Variants in CNTNAP3 observed in about 807,000 individuals in gnomAD.
CNTNAP3 encodes contactin-associated protein-like 3.
A neutral mutation model predicts 92.1 loss-of-function variants in CNTNAP3; 36 were observed. The observed-to-expected ratio is 0.39, with a 90% CI of 0.30 to 0.52. The LOEUF (loss-of-function observed/expected upper bound fraction) is 0.52, where lower values mean the gene tolerates loss of function less well. CNTNAP3 is among the 20% of genes least tolerant of loss of function. The pLI, the probability that CNTNAP3 is intolerant of heterozygous loss-of-function variation, is 0.76. For synonymous variants in CNTNAP3, 232 were observed against 422.3 expected (o/e 0.55, Z 5.53); for missense variants, 534 against 1,069.6 (o/e 0.50, Z 6.98).
intron 21 of CNTNAP3, among the ~76,000 whole-genome samples, chr9:39,084,787 G>A (rs1324858959): frequency 6.6e-6 from 1 of 151,922 alleles, no homozygotes; most frequent in Non-Finnish European, 1.5e-5. Context: ...AGTATAAAGT[G>A]TTTTATTAAT....
At chr9:39,150,670 C>T (rs540164683) in intron 9 of CNTNAP3, among the ~76,000 whole-genome samples, 1 of 38,420 alleles carries the variant, frequency 2.6e-5, no homozygotes, top group East Asian at 6.2e-4. Context: ...TGTTAGGGTA[C>T]ATAAGGATAA....
intron 15 of CNTNAP3, 99 bp from the exon 16 acceptor site, chr9:39,104,013 A>T: frequency 1.3e-6 from 2 of 1,504,944 alleles, no homozygotes. Flanking sequence ...TAAATACATT[A>T]ATAGAATCTA....
chr9:39,069,073 A>G lies in CNTNAP3; in HGVS notation c.*4817T>C, dbSNP rs1471448468. Among the ~76,000 whole-genome samples, 1 of 152,262 alleles carries G rather than the reference A, an allele frequency of 6.6e-6. No individual in the cohort carries two copies. Among genetic ancestry groups the G allele is most frequent in the Non-Finnish European group, 1.5e-5 (1 of 68,044 alleles). On this transcript the variant is annotated 3_prime_UTR_variant, in exon 24 of 24. Transcript: ENST00000297668. ...CATGAATCATATCCTAAAGATTTGG[A>G]ACAAGAAGTAAATTTAGCTATCAAT...
chr9:39,119,526 T>C (rs1271314342), intron 13 of CNTNAP3, among the ~76,000 whole-genome samples: 2 of 152,122 alleles, frequency 1.3e-5, no homozygotes, highest in African/African-American at 4.8e-5. Context: ...CATTAAACTG[T>C]CGCAGATTAA....
In CNTNAP3 at chr9:39,285,582, TG is replaced by T. The variant is rs1468949414; in HGVS notation, c.85+2397del. Among the ~76,000 whole-genome samples the T allele has an allele frequency of 6.1e-5, 3 of 49,574 alleles. 1 individual carries two copies. The highest frequency in any genetic ancestry group is 1.4e-4 in the African/African-American group (3 of 22,128). The allele number at this position is 49,574 out of a possible 152,430, so 32.5% of individuals were successfully genotyped here. ...TGTTGCCCAGGCTGGAGTGCTATGG[TG>T]GGATCTCGGCTCACTGCAACCTCCA... On this transcript the variant is annotated intron_variant, in intron 1 of 23. Coordinates refer to ENST00000297668, the MANE Select transcript of CNTNAP3 (RefSeq NM_033655.5).
At chr9:39,143,674 C>T (rs1463259760) in intron 11 of CNTNAP3, among the ~76,000 whole-genome samples, 1 of 152,180 alleles carries the variant, frequency 6.6e-6, no homozygotes, top group Non-Finnish European at 1.5e-5. Flanking sequence ...TTACAATCAT[C>T]ATCACCACCA....
intron 21 of CNTNAP3, among the ~76,000 whole-genome samples, chr9:39,080,052 TATG>T (rs1210315800): frequency 7.4e-6 from 1 of 134,786 alleles, no homozygotes; most frequent in Non-Finnish European, 1.5e-5. Context: ...TCTATTTTTC[TATG>T]ATGTTTCCAG....
At chr9:39,137,179 C>T (rs576286955) in intron 12 of CNTNAP3, among the ~76,000 whole-genome samples, 263 of 151,640 alleles carry the variant, frequency 1.7e-3, no homozygotes, top group African/African-American at 4.1e-3. Flanking sequence ...TTTCTTTTTG[C>T]GGGGGGTTGG....
rs1185192505 is a variant in CNTNAP3, at chr9:39,071,620, A to G, written c.*2270T>C. On this transcript the variant is annotated 3_prime_UTR_variant, in exon 24 of 24. Coordinates refer to ENST00000297668, the MANE Select transcript of CNTNAP3 (RefSeq NM_033655.5). ...ACTTGCAACTAGCATCTATGTATCT[A>G]AATAACGTTTAGTGACTTAATTCTC... Among the ~76,000 whole-genome samples the G allele has an allele frequency of 6.6e-6, 1 of 152,056 alleles. No individual in the cohort carries two copies. Among genetic ancestry groups the G allele is most frequent in the Non-Finnish European group, 1.5e-5 (1 of 67,968 alleles).
chr9:39,078,784 G>T lies in CNTNAP3; in HGVS notation c.3579C>A (p.Val1193=). The change falls in exon 22 of 24, where the codon GTC becomes GTA. Residue 1193 remains valine (V), a synonymous_variant. Coordinates refer to ENST00000297668, the MANE Select transcript of CNTNAP3 (RefSeq NM_033655.5). ...LRPSGPSRVT[V]RGHVAPMARC... is the part of the protein sequence containing the mutation. The stretch of plus-strand genomic sequence containing the variant: ...GGGCCATAGGGGCCACGTGGCCGCG[G>T]ACGGTGACCCGGGAGGGGCCGCTGG... 6.6e-7 allele frequency: 1 copy of T among 1,524,244 alleles called. No individual in the cohort carries two copies. The highest frequency in any genetic ancestry group is 8.8e-7 in the Non-Finnish European group (1 of 1,142,496). The allele number at this position is 1,524,244 out of a possible 1,614,324, so 94.4% of individuals were successfully genotyped here. A position where few individuals can be genotyped will look rare whatever the true frequency, so the allele number is the denominator to read the frequency against.
chr9:39,104,074 T>C (rs1326179452), intron 15 of CNTNAP3, among the ~76,000 whole-genome samples, 160 bp from the exon 16 acceptor site: 2 of 152,138 alleles, frequency 1.3e-5, no homozygotes, highest in Non-Finnish European at 2.9e-5. Flanking sequence ...ACTGATGACA[T>C]CAAGAGCTAA....
rs1238812309 is a variant in CNTNAP3, at chr9:39,287,120, C to CA, written c.85+859dup. Among the ~76,000 whole-genome samples, 24 of 54,120 alleles carry CA rather than the reference C, an allele frequency of 4.4e-4. 6 individuals are homozygous for CA. The highest frequency in any genetic ancestry group is 9.7e-4 in the East Asian group (1 of 1,032). 35.5% of individuals were successfully genotyped at this position (54,120 alleles called of 152,430 possible). On this transcript the variant is annotated intron_variant, in intron 1 of 23. Coordinates refer to ENST00000297668, the MANE Select transcript of CNTNAP3 (RefSeq NM_033655.5). ...TCTCTGCTAGAGATTTACTCCAAGC[C>CA]AAAAAAAAAATGTGCAATGTTGTGT...
intron 12 of CNTNAP3, among the ~76,000 whole-genome samples, chr9:39,139,114 C>A (rs1248018683): frequency 1.3e-5 from 2 of 152,064 alleles, no homozygotes; most frequent in Non-Finnish European, 2.9e-5. Context: ...AATGGGGCAT[C>A]TAAAGAGAAG....
In CNTNAP3 at chr9:39,105,428, A is replaced by AAAAC. The variant is rs538319512; in HGVS notation, c.2366-1518_2366-1515dup. 3.1e-3 allele frequency among the ~76,000 whole-genome samples: 470 copies of AAAAC among 152,268 alleles called. 2 individuals are homozygous for AAAAC. Among genetic ancestry groups the AAAAC allele is most frequent in the Admixed American group, 4.4e-3 (68 of 15,294 alleles). On this transcript the variant is annotated intron_variant, in intron 15 of 23. Transcript: ENST00000297668. ...GGTGACAGAGCAACTCTCCATCTCA[A>AAAAC]AAACAAACAAACAAACAAACAAACC...
intron 8 of CNTNAP3, among the ~76,000 whole-genome samples, chr9:39,167,983 G>A (rs191723314): frequency 1.4e-5 from 2 of 140,574 alleles, no homozygotes; most frequent in Non-Finnish European, 3.1e-5. Context: ...TGATTCTGCA[G>A]GTTTCTGTGC....
intron 11 of CNTNAP3, among the ~76,000 whole-genome samples, chr9:39,144,019 A>C (rs762199406): frequency 3.9e-4 from 59 of 152,100 alleles, no homozygotes; most frequent in Non-Finnish European, 6.3e-4. Context: ...ATTGCTTGCC[A>C]GTTTCTTTTT....
At chr9:39,109,090 G>T in intron 15 of CNTNAP3, 70 bp downstream of exon 15, 1 of 1,539,518 alleles carries the variant, frequency 6.5e-7, no homozygotes, top group Non-Finnish European at 8.7e-7. Context: ...AAGAACAAGG[G>T]CATTTGTCTA....
At chr9:39,122,259 G>T (rs1821045654) in intron 13 of CNTNAP3, among the ~76,000 whole-genome samples, 1 of 152,278 alleles carries the variant, frequency 6.6e-6, no homozygotes, top group African/African-American at 2.4e-5. Flanking sequence ...GGAGGCTGAG[G>T]CGGGAGAATG....
chr9:39,081,806 C>CGGT (rs933463304), intron 21 of CNTNAP3, among the ~76,000 whole-genome samples: 2 of 151,200 alleles, frequency 1.3e-5, no homozygotes, highest in Non-Finnish European at 2.9e-5. Flanking sequence ...AGGCCAGGCA[C>CGGT]GGTGGCTCAT....
Sources: gnomAD v4.1 joint callset for allele counts (sites outside exome capture counted in the v4.1 genomes callset) on GRCh38, gnomAD v4.1.1 for gene constraint, MANE v1.5 for transcripts, NCBI Gene and HGNC (gene_info 2026-07-23, HGNC 2026-07-21) for gene names.